METTL2A: variants seen among roughly 807,000 people sequenced by gnomAD.
The protein encoded by METTL2A is methyltransferase 2A, tRNA N3-cytidine, also known as tRNA N(3)-cytidine methyltransferase METTL2A.
A neutral mutation model predicts 49.4 loss-of-function variants in METTL2A; 45 were observed. The ratio of observed to expected loss-of-function variants is 0.91; its 90% CI spans 0.72 to 1.17. METTL2A has a LOEUF of 1.17. Ranked by LOEUF, METTL2A falls within the 50% of genes most tolerant of loss-of-function variation. The probability of loss-of-function intolerance (pLI) is 0.00; values close to 1 mark genes in which losing one functional copy is unlikely to be tolerated. For synonymous variants in METTL2A, 118 were observed against 167.5 expected, an observed-to-expected ratio of 0.70 and a Z score of 2.28; for missense variants, 361 against 462.2, an observed-to-expected ratio of 0.78 and a Z score of 2.01.
At chr17:62,431,249 C>A (rs1374263486) in intron 4 of METTL2A, among the ~76,000 whole-genome samples, 1 of 152,154 alleles carries the variant, frequency 6.6e-6, no homozygotes, top group Non-Finnish European at 1.5e-5. Context: ...GATCCACCCA[C>A]GTCGGCCTCC....
intron 6 of METTL2A, among the ~76,000 whole-genome samples, chr17:62,444,135 G>C (rs1216329527): frequency 1.3e-5 from 2 of 152,196 alleles, no homozygotes; most frequent in Non-Finnish European, 2.9e-5. Flanking sequence ...AAAGAGCTCA[G>C]GTCTAATGAT....
Position 62,452,759 on chromosome 17 carries a change from A to G in METTL2A, c.*4030A>G, listed in dbSNP as rs2070812440. Among the ~76,000 whole-genome samples the G allele has an allele frequency of 1.3e-5, 2 of 152,058 alleles. No individual in the cohort carries two copies. Among genetic ancestry groups the G allele is most frequent in the African/African-American group, 4.8e-5 (2 of 41,422 alleles). On this transcript the variant is annotated 3_prime_UTR_variant, in exon 9 of 9. Coordinates refer to ENST00000311506, the MANE Select transcript of METTL2A (RefSeq NM_181725.4). ...CTCCCAAGTAGATGGGACTACAGGC[A>G]TGTGCCACCAAGCCTAATTTTTGTA...
chr17:62,446,015 G>C (rs1322096937), intron 7 of METTL2A, among the ~76,000 whole-genome samples: 2 of 152,136 alleles, frequency 1.3e-5, no homozygotes, highest in Non-Finnish European at 2.9e-5. Flanking sequence ...GGAGTATTTA[G>C]TCAGTTCACA....
rs1191778418 is a variant in METTL2A, at chr17:62,450,151, C to G, written c.*1422C>G. 6.6e-6 allele frequency: 1 copy of G among 151,366 alleles called. No individual in the cohort carries two copies. Among genetic ancestry groups the G allele is most frequent in the Non-Finnish European group, 1.5e-5 (1 of 67,968 alleles). 9.4% of individuals were successfully genotyped at this position (151,366 alleles called of 1,614,324 possible). ...GCAAAATTATCTTTTTTAATGCACC[C>G]TTAAGTGTTTGACACAAAAGGAATT... On this transcript the variant is annotated 3_prime_UTR_variant, in exon 9 of 9. Transcript: ENST00000311506.
intron 1 of METTL2A, 25 bp from the exon 2 acceptor site, chr17:62,424,194 T>G: frequency 1.9e-6 from 3 of 1,614,100 alleles, no homozygotes; most frequent in Non-Finnish European, 2.5e-6. Context: ...GTGAGGCCCC[T>G]AAGCTGCCCG....
intron 4 of METTL2A, among the ~76,000 whole-genome samples, chr17:62,430,633 A>G (rs2070658483): frequency 6.6e-6 from 1 of 151,912 alleles, no homozygotes; most frequent in Admixed American, 6.6e-5. Context: ...CACATTCTAG[A>G]TCAGAAGCAT....
intron 4 of METTL2A, among the ~76,000 whole-genome samples, chr17:62,430,764 CG>C (rs1209758935): frequency 1.3e-5 from 2 of 152,114 alleles, no homozygotes; most frequent in South Asian, 2.1e-4. Flanking sequence ...CCTCAACCTC[CG>C]CCTCCCAGGT....
At chr17:62,434,794 A>C (rs1387169126) in intron 4 of METTL2A, 1 of 183,950 alleles carries the variant, frequency 5.4e-6, no homozygotes. Flanking sequence ...TGAACTAATA[A>C]GCGAAAGATA....
At chr17:62,434,208 G>A (rs981562542) in intron 4 of METTL2A, among the ~76,000 whole-genome samples, 4 of 152,190 alleles carry the variant, frequency 2.6e-5, no homozygotes, top group Admixed American at 6.5e-5. Context: ...CAGTAGCCAC[G>A]TGTGAAATGT....
chr17:62,447,494 A>T (rs2070776843), intron 7 of METTL2A, among the ~76,000 whole-genome samples: 1 of 152,186 alleles, frequency 6.6e-6, no homozygotes, highest in South Asian at 2.1e-4. Flanking sequence ...TGTTTTCATC[A>T]AACAATTCTA....
At position 62,426,454 on chromosome 17, in the gene METTL2A, A is replaced by T. The variant is rs773264116; in HGVS notation, c.358A>T (p.Lys120Ter). The change falls in exon 3 of 9, where the codon AAG (lysine) becomes TAG (stop). Residue 120 changes from lysine (K) to a stop codon, truncating the protein, a stop_gained. Transcript: ENST00000311506. LOFTEE classifies it high-confidence loss of function. The stretch of plus-strand genomic sequence containing the variant: ...TTTGAAGGACTGGTTCTTGGAGAAC[A>T]AGAGTGAAGTACCTGAATGTAGAAA... ...NHLKDWFLENKSEVPECRNNE... is the reference protein window; with the variant it reads ...NHLKDWFLEN The T allele has an allele frequency of 6.8e-6, 11 of 1,614,072 alleles. No individual in the cohort carries two copies. The highest frequency in any genetic ancestry group is 9.3e-6 in the Non-Finnish European group (11 of 1,180,048).
chr17:62,426,394 T>C lies in METTL2A; in HGVS notation c.298T>C (p.Phe100Leu), dbSNP rs370764066. 1.9e-6 allele frequency: 3 copies of C among 1,613,884 alleles called. No homozygotes were observed. Among genetic ancestry groups the C allele is most frequent in the African/African-American group, 2.7e-5 (2 of 74,872 alleles). The change falls in exon 3 of 9, where the codon TTC becomes CTC. Residue 100 changes from phenylalanine to leucine, a missense_variant. Physicochemically the swap from Phe to Leu is conservative, Grantham distance 22. This residue lies in a region of METTL2A where 150 missense variants were observed against 170.1 expected (regional missense o/e 0.88). Coordinates refer to ENST00000311506, the MANE Select transcript of METTL2A (RefSeq NM_181725.4). The stretch of plus-strand genomic sequence containing the variant: ...GGATAGACATTGGCTTTTTACCGAA[T>C]TCCCTGAGCTGGCACCTAGCCAAAA... ...FKDRHWLFTE[F>L]PELAPSQNQN...
intron 5 of METTL2A, among the ~76,000 whole-genome samples, chr17:62,439,071 C>T (rs2070720549): frequency 6.6e-6 from 1 of 150,990 alleles, no homozygotes; most frequent in Non-Finnish European, 1.5e-5. Context: ...CTCCGCCTCC[C>T]AGGTTCAAGC....
intron 6 of METTL2A, among the ~76,000 whole-genome samples, chr17:62,444,262 CA>C (rs1366908676): frequency 2.0e-5 from 3 of 152,168 alleles, no homozygotes; most frequent in Admixed American, 1.3e-4. Context: ...AGATAGAGAG[CA>C]GAGAACTTTT....
rs372161164 is a variant in METTL2A at position 62,452,226 on chromosome 17, T to C, written c.*3497T>C. Among the ~76,000 whole-genome samples the C allele has an allele frequency of 3.9e-4, 59 of 152,284 alleles. 1 individual carries two copies. In the East Asian group the frequency reaches 7.3e-3, roughly 19 times the overall value. On this transcript the variant is annotated 3_prime_UTR_variant, in exon 9 of 9. Coordinates refer to ENST00000311506, the MANE Select transcript of METTL2A (RefSeq NM_181725.4). ...GGGTTTGTTGGTGTTTCTTCATGAT[T>C]TGGTTCAGGCTCTGCATTTTGGGCA...
chr17:62,448,299 A>G (rs1390127433), intron 8 of METTL2A, among the ~76,000 whole-genome samples: 1 of 152,160 alleles, frequency 6.6e-6, no homozygotes, highest in Admixed American at 6.6e-5. Flanking sequence ...ACATACATAG[A>G]TATTTTTGCA....
chr17:62,424,003 A>G lies in METTL2A; in HGVS notation c.101A>G (p.His34Arg). 6.2e-7 allele frequency: 1 copy of G among 1,613,820 alleles called. No individual in the cohort carries two copies. The highest frequency in any genetic ancestry group is 8.5e-7 in the Non-Finnish European group (1 of 1,179,960). ...AGAGATCCGGCGCGCGTCTTCCACC[A>G]CAATGCCTGGTAATCACTCTGCCCC... ...FLRDPARVFH[H>R]NAWDNVEWSE... is the part of the protein sequence containing the mutation. The change falls in exon 1 of 9, where the codon CAC becomes CGC. Residue 34 changes from histidine to arginine, a missense_variant. By Grantham distance (29) the His-to-Arg change is conservative (BLOSUM62 0). Transcript: ENST00000311506.
rs1567739551 is a variant in METTL2A, at chr17:62,452,869, C to A, written c.*4140C>A. On this transcript the variant is annotated 3_prime_UTR_variant, in exon 9 of 9. Coordinates refer to ENST00000311506, the MANE Select transcript of METTL2A (RefSeq NM_181725.4). The stretch of plus-strand genomic sequence containing the variant: ...AAGCAATCCTCCCACCTCGGCCTCC[C>A]AAAGTGCTGGGATGAGCCACTGCGA... Among the ~76,000 whole-genome samples, 1 of 152,178 alleles carries A rather than the reference C, an allele frequency of 6.6e-6. No individual in the cohort carries two copies. The highest frequency in any genetic ancestry group is 1.9e-4 in the East Asian group (1 of 5,186).
chr17:62,424,273 G>A lies in METTL2A; in HGVS notation c.165G>A (p.Gln55=), dbSNP rs2070607791. 5 of 1,614,050 alleles carry A rather than the reference G, an allele frequency of 3.1e-6. No homozygotes were observed. The highest frequency in any genetic ancestry group is 4.2e-6 in the Non-Finnish European group (5 of 1,179,942). Residue 55 remains glutamine, a synonymous_variant, in exon 2 of 9, where the codon CAG becomes CAA. Coordinates refer to ENST00000311506, the MANE Select transcript of METTL2A (RefSeq NM_181725.4). ...EQAAAAERKV[Q]ENSIQRVCQE... The stretch of plus-strand genomic sequence containing the variant: ...CCGCGGCGGCGGAGAGAAAAGTCCA[G>A]GAGAACAGTATCCAGCGGGTGTGCC...
Sources: gnomAD v4.1 joint callset for allele counts (sites outside exome capture counted in the v4.1 genomes callset) on GRCh38, gnomAD v4.1.1 for gene constraint, gnomAD v4.1.1 regional missense constraint, MANE v1.5 for transcripts, NCBI Gene and HGNC (gene_info 2026-07-23, HGNC 2026-07-21) for gene names.